The following PSMB7 variants were observed in gnomAD, a reference collection of about 807,000 sequenced individuals.
PSMB7 encodes the protein proteasome subunit beta type-7.
A neutral mutation model predicts 28.1 loss-of-function variants in PSMB7; 5 were observed. The ratio of observed to expected loss-of-function variants is 0.18; its 90% CI spans 0.09 to 0.37. The LOEUF (loss-of-function observed/expected upper bound fraction) is 0.37. PSMB7 is among the 10% of genes least tolerant of loss of function. PSMB7 has a pLI of 1.00. For missense variants in PSMB7, 275 were observed against 346.2 expected (o/e 0.79, Z 1.63); for synonymous variants, 122 against 123.7 (o/e 0.99, Z 0.09).
chr9:124,374,188 T>G (rs1381211942), intron 6 of PSMB7, among the ~76,000 whole-genome samples: 1 of 152,170 alleles, frequency 6.6e-6, no homozygotes, highest in Non-Finnish European at 1.5e-5. Flanking sequence ...AATAGGCAAG[T>G]GTACAGAGAT....
At chr9:124,403,862 C>T (rs1473076297) in intron 5 of PSMB7, among the ~76,000 whole-genome samples, 2 of 151,710 alleles carry the variant, frequency 1.3e-5, no homozygotes, top group African/African-American at 4.8e-5. Context: ...CAAATCTCAC[C>T]TTCTTCATAA....
intron 3 of PSMB7, 97 bp from the exon 4 acceptor site, chr9:124,412,589 CAG>C (rs1831040265): frequency 3.9e-6 from 5 of 1,298,142 alleles, no homozygotes; most frequent in Non-Finnish European, 4.3e-6. Flanking sequence ...AGTTCAGGTA[CAG>C]AGAGATGTTT....
At chr9:124,415,166 T>C in intron 1 of PSMB7, 198 bp downstream of exon 1, 1 of 649,572 alleles carries the variant, frequency 1.5e-6, no homozygotes, top group Non-Finnish European at 2.6e-6. Flanking sequence ...CCGAGTGCGC[T>C]GGGAAGGTGG....
intron 5 of PSMB7, among the ~76,000 whole-genome samples, chr9:124,394,327 G>C (rs1345967596): frequency 6.6e-6 from 1 of 152,166 alleles, no homozygotes; most frequent in African/African-American, 2.4e-5. Context: ...GAAGTAAAAG[G>C]CATCAAGCAC....
At chr9:124,353,952 C>T (rs1830366835) in intron 7 of PSMB7, among the ~76,000 whole-genome samples, 1 of 151,702 alleles carries the variant, frequency 6.6e-6, no homozygotes, top group Non-Finnish European at 1.5e-5. Context: ...CCTTGGTGGA[C>T]ACGTGACTCT....
At chr9:124,394,883 C>T (rs927953096) in intron 5 of PSMB7, among the ~76,000 whole-genome samples, 2 of 152,074 alleles carry the variant, frequency 1.3e-5, no homozygotes, top group African/African-American at 2.4e-5. Context: ...CTGTTTTATT[C>T]CTGGCACTCC....
intron 6 of PSMB7, among the ~76,000 whole-genome samples, chr9:124,363,498 G>A (rs1048132049): frequency 2.6e-5 from 4 of 151,912 alleles, no homozygotes; most frequent in Admixed American, 6.6e-5. Context: ...TTTTTTTTCC[G>A]GACTGGGCTG....
chr9:124,391,412 T>A (rs1038814838), intron 5 of PSMB7, among the ~76,000 whole-genome samples: 1 of 152,210 alleles, frequency 6.6e-6, no homozygotes, highest in Non-Finnish European at 1.5e-5. Context: ...GGAGCTATCT[T>A]TTCTTAGCTC....
At chr9:124,379,850 A>AG (rs1201281355) in intron 6 of PSMB7, among the ~76,000 whole-genome samples, 2 of 152,224 alleles carry the variant, frequency 1.3e-5, no homozygotes, top group African/African-American at 2.4e-5. Context: ...TAAAAAGAAA[A>AG]GGTCCCTTCC....
At chr9:124,394,605 A>T (rs1830823039) in intron 5 of PSMB7, among the ~76,000 whole-genome samples, 1 of 152,204 alleles carries the variant, frequency 6.6e-6, no homozygotes, top group Non-Finnish European at 1.5e-5. Flanking sequence ...GAGCACCCAT[A>T]CATTAATTCA....
chr9:124,376,862 G>A (rs957458013), intron 6 of PSMB7, among the ~76,000 whole-genome samples: 15 of 152,146 alleles, frequency 9.9e-5, no homozygotes, highest in African/African-American at 3.1e-4. Flanking sequence ...ACCTCCCTAC[G>A]GCCCAATTTT....
At chr9:124,377,489 CA>C (rs934415741) in intron 6 of PSMB7, among the ~76,000 whole-genome samples, 1 of 151,820 alleles carries the variant, frequency 6.6e-6, no homozygotes. Context: ...ACTGGACTTA[CA>C]AAAAAAACAC....
In PSMB7 at chr9:124,391,866, C is replaced by T. The variant is rs566728172; in HGVS notation, c.512-7210G>A. On this transcript the variant is annotated intron_variant, in intron 5 of 7. Transcript: ENST00000259457. ...TTCTATGTCAGAGTTCACTAAAATACTCAACAAACTTAGCAATTCTATAAT... is the reference window on the plus strand; with the variant it reads ...TTCTATGTCAGAGTTCACTAAAATATTCAACAAACTTAGCAATTCTATAAT... Among the ~76,000 whole-genome samples the T allele has an allele frequency of 5.9e-5, 9 of 152,260 alleles. 1 individual carries two copies. In the South Asian group the frequency reaches 1.9e-3, roughly 32 times the overall value.
intron 5 of PSMB7, among the ~76,000 whole-genome samples, chr9:124,388,477 G>A (rs572235680): frequency 1.8e-4 from 27 of 152,200 alleles, no homozygotes; most frequent in Non-Finnish European, 2.6e-4. Flanking sequence ...GGTGCCATGC[G>A]GCCTATTTTA....
At chr9:124,368,738 CAG>C (rs1384022324) in intron 6 of PSMB7, among the ~76,000 whole-genome samples, 1 of 152,220 alleles carries the variant, frequency 6.6e-6, no homozygotes, top group Admixed American at 6.5e-5. Context: ...AAGAGGTAGT[CAG>C]AGACTCAGAG....
At chr9:124,390,555 A>G (rs897982444) in intron 5 of PSMB7, among the ~76,000 whole-genome samples, 1 of 152,244 alleles carries the variant, frequency 6.6e-6, no homozygotes, top group African/African-American at 2.4e-5. Flanking sequence ...GAAGAGATCC[A>G]TGCTATAGTA....
intron 6 of PSMB7, among the ~76,000 whole-genome samples, chr9:124,377,696 G>A (rs1830626622): frequency 6.6e-6 from 1 of 152,186 alleles, no homozygotes; most frequent in African/African-American, 2.4e-5. Flanking sequence ...AATCTATAAG[G>A]GCTTCTCTAG....
At chr9:124,364,052 A>G (rs1480512578) in intron 6 of PSMB7, among the ~76,000 whole-genome samples, 14 of 152,214 alleles carry the variant, frequency 9.2e-5, no homozygotes, top group Admixed American at 8.5e-4. Flanking sequence ...GCAATTTCAC[A>G]AACAGGACGG....
At chr9:124,364,952 CTG>C (rs1830493072) in intron 6 of PSMB7, among the ~76,000 whole-genome samples, 1 of 152,220 alleles carries the variant, frequency 6.6e-6, no homozygotes, top group Non-Finnish European at 1.5e-5. Context: ...ATCACAGGCA[CTG>C]TGTTATATGA....
Sources: allele counts gnomAD v4.1 joint callset (sites outside exome capture counted in the v4.1 genomes callset), GRCh38; gene constraint gnomAD v4.1.1; transcripts MANE v1.5; gene names NCBI Gene and HGNC (gene_info 2026-07-23, HGNC 2026-07-21).